HEBP1: variants seen among roughly 807,000 people sequenced by gnomAD.
The protein encoded by HEBP1 is heme-binding protein 1.
A neutral mutation model predicts 20.4 loss-of-function variants in HEBP1; 13 were observed. The observed-to-expected ratio is 0.64, with a 90% CI of 0.42 to 1.01. The LOEUF (loss-of-function observed/expected upper bound fraction) is 1.01. Ranked by LOEUF, HEBP1 falls within the 50% of genes least tolerant of loss-of-function variation. The pLI, the probability that HEBP1 is intolerant of heterozygous loss-of-function variation, is 0.00. For synonymous variants in HEBP1, 92 were observed against 90.7 expected, an observed-to-expected ratio of 1.01 and a Z score of -0.08; for missense variants, 241 against 247.3, an observed-to-expected ratio of 0.97 and a Z score of 0.17.
In HEBP1 at chr12:12,975,312, G is replaced by A; in HGVS notation, c.566C>T (p.Thr189Ile). 1 of 1,613,708 alleles carries A rather than the reference G, an allele frequency of 6.2e-7. No individual in the cohort carries two copies. The highest frequency in any genetic ancestry group is 8.5e-7 in the Non-Finnish European group (1 of 1,179,866). The change falls in exon 4 of 4, where the codon ACA (threonine) becomes ATA (isoleucine). Residue 189 changes from threonine to isoleucine, a missense_variant. Physicochemically the swap from Thr to Ile is moderately conservative, Grantham distance 89. Coordinates refer to ENST00000014930, the MANE Select transcript of HEBP1 (RefSeq NM_015987.5). ...GRRNEIWLLK[T>I] ...GTTCTTGGTTCAGTGGGTCACTCAT[G>A]TCTTCAACAGCCAGATCTCATTGCG...
intron 1 of HEBP1, among the ~76,000 whole-genome samples, chr12:12,994,115 T>C (rs142875710): frequency 4.6e-4 from 70 of 152,334 alleles, no homozygotes; most frequent in African/African-American, 1.6e-3. Flanking sequence ...CAAATTATTG[T>C]ACAATGCAGT....
chr12:12,980,515 G>A (rs769482127), intron 3 of HEBP1: 3 of 152,204 alleles, frequency 2.0e-5, no homozygotes, highest in Non-Finnish European at 4.4e-5. Flanking sequence ...CTTTTTTTGT[G>A]TATGTGACCT....
chr12:12,995,316 C>A (rs1228932428), intron 1 of HEBP1, among the ~76,000 whole-genome samples: 2 of 152,198 alleles, frequency 1.3e-5, no homozygotes, highest in Non-Finnish European at 2.9e-5. Flanking sequence ...ACAAGCCCCA[C>A]AGGGTAAGGA....
intron 3 of HEBP1, among the ~76,000 whole-genome samples, chr12:12,985,102 C>G (rs766257102): frequency 1.3e-5 from 2 of 151,054 alleles, no homozygotes; most frequent in African/African-American, 2.4e-5. Context: ...GAGCCAAGAT[C>G]GCACCACTGC....
At chr12:12,982,554 A>G (rs1338828994) in intron 3 of HEBP1, among the ~76,000 whole-genome samples, 2 of 152,322 alleles carry the variant, frequency 1.3e-5, no homozygotes, top group Admixed American at 6.5e-5. Context: ...CAAGCTGCCA[A>G]TGGCCTCCAT....
At chr12:12,989,198 C>T (rs1864187218) in intron 2 of HEBP1, 79 bp downstream of exon 2, 1 of 1,515,650 alleles carries the variant, frequency 6.6e-7, no homozygotes, top group Non-Finnish European at 9.1e-7. Context: ...TAGCCCCTCA[C>T]TTGCATTTAC....
At chr12:12,989,763 A>G (rs1242523143) in intron 1 of HEBP1, among the ~76,000 whole-genome samples, 5 of 59,384 alleles carry the variant, frequency 8.4e-5, no homozygotes, top group African/African-American at 1.5e-4. Flanking sequence ...GTTGGAAGAT[A>G]AAGTTAAACA....
chr12:12,989,333 G>C lies in HEBP1; in HGVS notation c.161C>G (p.Ala54Gly), dbSNP rs1414152802. The C allele has an allele frequency of 6.2e-7, 1 of 1,614,174 alleles. No homozygotes were observed. The highest frequency in any genetic ancestry group is 8.5e-7 in the Non-Finnish European group (1 of 1,180,006). The change falls in exon 2 of 4, where the codon GCT (alanine) becomes GGT (glycine). Residue 54 changes from alanine to glycine, a missense_variant. Ala to Gly is a moderately conservative substitution (Grantham distance 60). Transcript: ENST00000014930. Reference sequence around the variant, plus strand: ...GACCTTGGGCATTGCTTCCCGTAGAGCCTCATCCACAGGCTTATCTGTCAC... The same window carrying C: ...GACCTTGGGCATTGCTTCCCGTAGACCCTCATCCACAGGCTTATCTGTCAC... ...VEVTDKPVDEALREAMPKVAK... is the reference protein window; with the variant it reads ...VEVTDKPVDEGLREAMPKVAK...
Position 12,989,334 on chromosome 12 carries a change from C to T in HEBP1, c.160G>A (p.Ala54Thr), listed in dbSNP as rs1864190017. Residue 54 changes from alanine to threonine, a missense_variant, in exon 2 of 4, where the codon GCT (alanine) becomes ACT (threonine). Coordinates refer to ENST00000014930, the MANE Select transcript of HEBP1 (RefSeq NM_015987.5). ...ACCTTGGGCATTGCTTCCCGTAGAG[C>T]CTCATCCACAGGCTTATCTGTCACT... ...VEVTDKPVDE[A>T]LREAMPKVAK... The T allele has an allele frequency of 4.3e-6, 7 of 1,614,208 alleles. No individual in the cohort carries two copies. Among genetic ancestry groups the T allele is most frequent in the Non-Finnish European group, 5.9e-6 (7 of 1,180,028 alleles).
rs536802478 is a variant in HEBP1, at chr12:12,980,671, T to G, written c.399-5192A>C. On this transcript the variant is annotated intron_variant, in intron 3 of 3. Coordinates refer to ENST00000014930, the MANE Select transcript of HEBP1 (RefSeq NM_015987.5). Reference sequence around the variant, plus strand: ...AGCAAAGGTCTGGAAGTGGATGTTGTGTCTGGGGTGGGAGGCATGTTGGGT... The same window carrying G: ...AGCAAAGGTCTGGAAGTGGATGTTGGGTCTGGGGTGGGAGGCATGTTGGGT... 6 of 151,238 alleles carry G rather than the reference T, an allele frequency of 4.0e-5. No individual in the cohort carries two copies. In the East Asian group the frequency reaches 1.2e-3, roughly 30 times the overall value. The allele number at this position is 151,238 out of a possible 1,614,324, so 9.4% of individuals were successfully genotyped here.
chr12:12,996,239 T>C lies in HEBP1; in HGVS notation c.78+3798A>G, dbSNP rs936121552. On this transcript the variant is annotated intron_variant, in intron 1 of 3. Transcript: ENST00000014930. The surrounding 1 kb of genome is among the most constrained non-coding windows in gnomAD (Gnocchi z 4.1). ...AAGAGGTTAAGTAACATGCCCAAACTGCAGCGGGTGAATAGTGGAGCCAGG... is the reference window on the plus strand; with the variant it reads ...AAGAGGTTAAGTAACATGCCCAAACCGCAGCGGGTGAATAGTGGAGCCAGG... 1.3e-5 allele frequency among the ~76,000 whole-genome samples: 2 copies of C among 152,238 alleles called. No individual in the cohort carries two copies. Among genetic ancestry groups the C allele is most frequent in the African/African-American group, 4.8e-5 (2 of 41,458 alleles).
chr12:12,975,716 G>T (rs962091560), intron 3 of HEBP1, among the ~76,000 whole-genome samples: 50 of 149,958 alleles, frequency 3.3e-4, no homozygotes, highest in African/African-American at 1.2e-3. Flanking sequence ...GTTAAAAGCA[G>T]TAATGGACGT....
chr12:12,981,893 A>G (rs1271335640), intron 3 of HEBP1, among the ~76,000 whole-genome samples: 5 of 152,214 alleles, frequency 3.3e-5, no homozygotes, highest in African/African-American at 1.2e-4. Context: ...TGAAGCTATG[A>G]TGGGGACCAA....
At position 12,988,816 on chromosome 12, in the gene HEBP1, G is replaced by T. The variant is rs58968120; in HGVS notation, c.217+461C>A. On this transcript the variant is annotated intron_variant, in intron 2 of 3. Transcript: ENST00000014930. ...CTCAGACCCTTCATTTGCCAGACAG[G>T]GTCTGGAACCTCACTGCTCACTGAG... is the stretch of plus-strand genomic sequence containing the variant. Among the ~76,000 whole-genome samples, 524 of 152,160 alleles carry T rather than the reference G, an allele frequency of 3.4e-3. 3 individuals carry two copies. Among genetic ancestry groups the T allele is most frequent in the African/African-American group, 0.011 (452 of 41,478 alleles).
chr12:13,000,161 G>T lies in HEBP1; in HGVS notation c.-47C>A. ...ACGCACGGGAGGACGTGAGGTGGCG[G>T]GGGCGACGGAGCACCACGGGCAGCG... On this transcript the variant is annotated 5_prime_UTR_variant, in exon 1 of 4. Coordinates refer to ENST00000014930, the MANE Select transcript of HEBP1 (RefSeq NM_015987.5). The T allele has an allele frequency of 6.9e-7, 1 of 1,440,726 alleles. No homozygotes were observed. The highest frequency in any genetic ancestry group is 9.6e-7 in the Non-Finnish European group (1 of 1,046,254). The allele number at this position is 1,440,726 out of a possible 1,614,324, so 89.2% of individuals were successfully genotyped here.
At chr12:12,985,801 T>C (rs1864145122) in intron 3 of HEBP1, 1 of 152,148 alleles carries the variant, frequency 6.6e-6, no homozygotes, top group African/African-American at 2.4e-5. Flanking sequence ...ACTTAACAAA[T>C]GCAAAAGCTA....
At chr12:12,982,841 G>A (rs1592401403) in intron 3 of HEBP1, among the ~76,000 whole-genome samples, 1 of 152,288 alleles carries the variant, frequency 6.6e-6, no homozygotes, top group East Asian at 1.9e-4. Context: ...ATTCTCAAAG[G>A]GAGGTGAAGT....
At chr12:12,980,154 T>C (rs1454256273) in intron 3 of HEBP1, 1 of 152,268 alleles carries the variant, frequency 6.6e-6, no homozygotes. Context: ...GACCAGGAAC[T>C]GACAGCCTCA....
chr12:12,986,960 C>T lies in HEBP1; in HGVS notation c.398+192G>A, dbSNP rs935951230. The T allele has an allele frequency of 6.9e-6, 4 of 578,584 alleles. No individual in the cohort carries two copies. The highest frequency in any genetic ancestry group is 5.6e-5 in the African/African-American group (3 of 53,278). 35.8% of individuals were successfully genotyped at this position (578,584 alleles called of 1,614,324 possible). On this transcript the variant is annotated intron_variant, in intron 3 of 3. Coordinates refer to ENST00000014930, the MANE Select transcript of HEBP1 (RefSeq NM_015987.5). The surrounding 1 kb of genome is among the most constrained non-coding windows in gnomAD (Gnocchi z 4.3). The stretch of plus-strand genomic sequence containing the variant: ...TTGGCAACTGGCCAAGGCATTTATT[C>T]TGATAAAATGCAAATGTGTGTGTGC...
Sources: gnomAD v4.1 joint callset for allele counts (sites outside exome capture counted in the v4.1 genomes callset) on GRCh38, gnomAD v4.1.1 for gene constraint, Gnocchi (gnomAD v3.1) non-coding constraint, MANE v1.5 for transcripts, NCBI Gene and HGNC (gene_info 2026-07-23, HGNC 2026-07-21) for gene names.